The following DCC variants were observed in gnomAD, a reference collection of about 807,000 sequenced individuals.
DCC encodes the protein DCC netrin 1 receptor.
Under a neutral mutation model 172.5 loss-of-function variants are expected in DCC, and 58 were observed. The ratio of observed to expected loss-of-function variants is 0.34; its 90% confidence interval spans 0.27 to 0.42. The LOEUF (loss-of-function observed/expected upper bound fraction) is 0.42. Among genes scored for constraint, DCC ranks in the 10% least tolerant of loss-of-function variants. The probability of loss-of-function intolerance (pLI) is 1.00; values close to 1 mark genes in which losing one functional copy is unlikely to be tolerated. For synonymous variants in DCC, 709 were observed against 644.5 expected (o/e 1.10, Z -1.52); for missense variants, 1,740 against 1,791.0 (o/e 0.97, Z 0.51).
chr18:52,852,835 T>G (rs1250684048), intron 2 of DCC, among the ~76,000 whole-genome samples: 3 of 152,148 alleles, frequency 2.0e-5, no homozygotes, highest in Non-Finnish European at 4.4e-5. Flanking sequence ...TTTATTAAAT[T>G]CTTACTATGG....
intron 1 of DCC, among the ~76,000 whole-genome samples, chr18:52,590,067 G>C (rs955215418): frequency 6.6e-6 from 1 of 151,972 alleles, no homozygotes; most frequent in African/African-American, 2.4e-5. Context: ...TAAAGCCCAT[G>C]CTTTATTAAA....
intron 5 of DCC, among the ~76,000 whole-genome samples, chr18:52,959,687 A>C (rs1482059688): frequency 6.6e-6 from 1 of 152,164 alleles, no homozygotes; most frequent in Non-Finnish European, 1.5e-5. Flanking sequence ...AAATCATCAC[A>C]CATGGGAGGC....
chr18:53,063,861 T>C (rs774886578), intron 6 of DCC, among the ~76,000 whole-genome samples: 8 of 152,174 alleles, frequency 5.3e-5, no homozygotes, highest in Non-Finnish European at 1.0e-4. Context: ...TAAGATATGA[T>C]ACTTATGATT....
chr18:52,734,352 GCA>G (rs974723212), intron 1 of DCC, among the ~76,000 whole-genome samples: 5 of 152,040 alleles, frequency 3.3e-5, no homozygotes, highest in African/African-American at 1.2e-4. Flanking sequence ...AAAGCAAAAT[GCA>G]CAATGTCATA....
chr18:52,946,928 A>T (rs2040555653), intron 5 of DCC, among the ~76,000 whole-genome samples: 1 of 152,194 alleles, frequency 6.6e-6, no homozygotes, highest in South Asian at 2.1e-4. Flanking sequence ...ATCAACGCAA[A>T]CATCCATAAT....
At chr18:52,704,047 C>T (rs1054989980) in intron 1 of DCC, among the ~76,000 whole-genome samples, 5 of 149,372 alleles carry the variant, frequency 3.3e-5, no homozygotes, top group African/African-American at 1.3e-4. Context: ...AGCTAACTTT[C>T]TTATTATTTA....
intron 2 of DCC, among the ~76,000 whole-genome samples, chr18:52,886,209 C>T (rs1412294567): frequency 2.0e-5 from 3 of 152,072 alleles, no homozygotes; most frequent in Admixed American, 2.0e-4. Context: ...GCTCTAAGCC[C>T]AGCCCAGGAC....
At chr18:53,060,426 G>A (rs1024586995) in intron 5 of DCC, among the ~76,000 whole-genome samples, 9 of 152,078 alleles carry the variant, frequency 5.9e-5, no homozygotes, top group African/African-American at 2.2e-4. Context: ...CTGATATACT[G>A]TGAAAGTTAG....
intron 5 of DCC, among the ~76,000 whole-genome samples, chr18:53,007,609 C>G (rs561939455): frequency 1.3e-5 from 2 of 152,062 alleles, no homozygotes; most frequent in East Asian, 1.9e-4. Flanking sequence ...ATTTTTTTCT[C>G]TGTGTGTATA....
At chr18:52,466,322 A>G (rs933864323) in intron 1 of DCC, among the ~76,000 whole-genome samples, 2 of 152,194 alleles carry the variant, frequency 1.3e-5, no homozygotes, top group Admixed American at 6.5e-5. Flanking sequence ...TAATAACAGC[A>G]GTATTTTTAT....
chr18:52,753,239 C>A (rs1267176121), intron 2 of DCC, among the ~76,000 whole-genome samples: 2 of 152,002 alleles, frequency 1.3e-5, no homozygotes, highest in Non-Finnish European at 2.9e-5. Flanking sequence ...ACATTTTCAC[C>A]AACAACGCAC....
intron 12 of DCC, among the ~76,000 whole-genome samples, chr18:53,286,005 T>C (rs1167669787): frequency 6.6e-6 from 1 of 152,192 alleles, no homozygotes; most frequent in Admixed American, 6.5e-5. Flanking sequence ...GTATCCCTCT[T>C]GTATCTAGGA....
intron 1 of DCC, among the ~76,000 whole-genome samples, chr18:52,384,644 C>T (rs1985719247): frequency 6.6e-6 from 1 of 152,126 alleles, no homozygotes; most frequent in Admixed American, 6.6e-5. Context: ...AAATACTCAT[C>T]AGCTCTTGTT....
chr18:52,870,334 TCTGCTCCTGCAG>T (rs2039299604), intron 2 of DCC, among the ~76,000 whole-genome samples: 1 of 152,142 alleles, frequency 6.6e-6, no homozygotes, highest in African/African-American at 2.4e-5. Flanking sequence ...CAGTGCCATT[TCTGCTCCTGCAG>T]CTGCTCCTGC....
At chr18:53,331,635 C>T (rs1476777339) in intron 14 of DCC, among the ~76,000 whole-genome samples, 1 of 152,170 alleles carries the variant, frequency 6.6e-6, no homozygotes, top group African/African-American at 2.4e-5. Flanking sequence ...AACCAAACTT[C>T]ATTGTATTTT....
intron 2 of DCC, among the ~76,000 whole-genome samples, chr18:52,803,377 T>G (rs2145231438): frequency 6.6e-6 from 1 of 152,326 alleles, no homozygotes; most frequent in South Asian, 2.1e-4. Context: ...GGGAGGTGGC[T>G]ATGAAATTAT....
At chr18:52,920,510 A>G (rs1211219343) in intron 3 of DCC, among the ~76,000 whole-genome samples, 5 of 152,086 alleles carry the variant, frequency 3.3e-5, no homozygotes, top group African/African-American at 1.2e-4. Flanking sequence ...CACGTGTATT[A>G]GAATGGCTAA....
rs767728562 is a variant in DCC at position 53,152,418 on chromosome 18, TAATC to T, written c.1262-4937_1262-4934del. 5.1e-4 allele frequency among the ~76,000 whole-genome samples: 78 copies of T among 152,232 alleles called. 1 individual carries two copies. The highest frequency in any genetic ancestry group is 4.6e-4 in the Admixed American group (7 of 15,286). ...AAAATTGAAGCTTTATTTAAAAAAT[TAATC>T]CAATAGCATCATTGTTACCAAGGCT... On this transcript the variant is annotated intron_variant, in intron 7 of 28. Transcript: ENST00000442544.
chr18:52,822,764 G>A (rs2038429958), intron 2 of DCC, among the ~76,000 whole-genome samples: 1 of 152,138 alleles, frequency 6.6e-6, no homozygotes, highest in African/African-American at 2.4e-5. Context: ...TAGGATTAAG[G>A]TTGTGGTGGA....
Sources: allele counts gnomAD v4.1 joint callset (sites outside exome capture counted in the v4.1 genomes callset), GRCh38; gene constraint gnomAD v4.1.1; transcripts MANE v1.5; gene names NCBI Gene and HGNC (gene_info 2026-07-23, HGNC 2026-07-21).